Variants in SLC39A11 observed in about 807,000 individuals in gnomAD.
SLC39A11 encodes the protein solute carrier family 39 member 11.
In SLC39A11, 33 loss-of-function variants were observed where a neutral mutation model predicts 36.1. That is an observed-to-expected ratio of 0.91 (90% CI 0.69 to 1.22). SLC39A11 has a LOEUF of 1.22. SLC39A11 is among the 50% of genes most tolerant of loss of function. SLC39A11 has a pLI of 0.00. For synonymous variants in SLC39A11, 166 were observed against 170.3 expected (o/e 0.97, Z 0.20); for missense variants, 432 against 430.3 (o/e 1.00, Z -0.03).
Position 72,804,985 on chromosome 17 carries a change from C to G in SLC39A11, c.601+44649G>C, listed in dbSNP as rs142275381. On this transcript the variant is annotated intron_variant, in intron 6 of 9. Coordinates refer to ENST00000255559, the MANE Select transcript of SLC39A11 (RefSeq NM_139177.4). ...GAGCCGAGATCATGCCACTGCACTC[C>G]AGCCTGGTGACAGAGCAAGACTCCA... Among the ~76,000 whole-genome samples the G allele has an allele frequency of 1.1e-3, 166 of 152,228 alleles. 1 individual carries two copies. Among genetic ancestry groups the G allele is most frequent in the Non-Finnish European group, 2.0e-3 (134 of 68,016 alleles).
At chr17:72,892,934 G>T (rs2081831106) in intron 5 of SLC39A11, among the ~76,000 whole-genome samples, 1 of 152,102 alleles carries the variant, frequency 6.6e-6, no homozygotes, top group Admixed American at 6.5e-5. Context: ...GTATTTTCCA[G>T]GGTAGGTTCT....
In SLC39A11 at chr17:73,042,436, T is replaced by TCTAA. The variant is rs2059140219; in HGVS notation, c.148-10726_148-10723dup. Among the ~76,000 whole-genome samples the TCTAA allele has an allele frequency of 1.3e-5, 2 of 152,154 alleles. 1 individual carries two copies. The highest frequency in any genetic ancestry group is 1.3e-4 in the Admixed American group (2 of 15,264). The stretch of plus-strand genomic sequence containing the variant: ...TTTATTGAACCAAAGGAACATAGAC[T>TCTAA]CTAACCTCAAGGAGGTTACTGTGTA... On this transcript the variant is annotated intron_variant, in intron 3 of 9. Coordinates refer to ENST00000255559, the MANE Select transcript of SLC39A11 (RefSeq NM_139177.4).
intron 7 of SLC39A11, among the ~76,000 whole-genome samples, chr17:72,718,858 G>A (rs1859368518): frequency 2.0e-5 from 3 of 152,092 alleles, no homozygotes; most frequent in Admixed American, 6.5e-5. Flanking sequence ...TTGAACTCCT[G>A]GCCTCAAGTG....
At chr17:72,701,127 C>G (rs918362736) in intron 7 of SLC39A11, among the ~76,000 whole-genome samples, 9 of 152,232 alleles carry the variant, frequency 5.9e-5, no homozygotes, top group African/African-American at 2.2e-4. Context: ...AGCTGGGAAA[C>G]TTTGGAAGAA....
intron 2 of SLC39A11, among the ~76,000 whole-genome samples, chr17:73,085,092 G>T (rs2060679375): frequency 6.6e-6 from 1 of 152,176 alleles, no homozygotes; most frequent in East Asian, 1.9e-4. Context: ...CTTGGCCCTT[G>T]TGTTGTCTCT....
In SLC39A11 at chr17:72,678,949, A is replaced by G. The variant is rs569045170; in HGVS notation, c.672-29681T>C. Among the ~76,000 whole-genome samples the G allele has an allele frequency of 3.3e-5, 5 of 152,284 alleles. No homozygotes were observed. In the South Asian group the frequency reaches 1.0e-3, roughly 32 times the overall value. ...GGAATACTATTCAGCCATAAAAAGAATGAGATCGTGTCATCTGCAGCAACA... is the reference window on the plus strand; with the variant it reads ...GGAATACTATTCAGCCATAAAAAGAGTGAGATCGTGTCATCTGCAGCAACA... On this transcript the variant is annotated intron_variant, in intron 7 of 9. Coordinates refer to ENST00000255559, the MANE Select transcript of SLC39A11 (RefSeq NM_139177.4).
Position 72,790,333 on chromosome 17 carries a change from A to G in SLC39A11, c.602-53614T>C, listed in dbSNP as rs186684062. On this transcript the variant is annotated intron_variant, in intron 6 of 9. Transcript: ENST00000255559. ...AATACAAACCATGTGACCTGGATAA[A>G]CAGAACATGGTGAGGAAGTAGGCAG... Among the ~76,000 whole-genome samples, 234 of 152,248 alleles carry G rather than the reference A, an allele frequency of 1.5e-3. 3 individuals are homozygous for G. Among genetic ancestry groups the G allele is most frequent in the Non-Finnish European group, 4.4e-4 (30 of 68,018 alleles).
At chr17:72,713,480 G>A (rs149210250) in intron 7 of SLC39A11, among the ~76,000 whole-genome samples, 1 of 152,178 alleles carries the variant, frequency 6.6e-6, no homozygotes. Flanking sequence ...CCTTAATACA[G>A]ATTAGTGACT....
intron 3 of SLC39A11, among the ~76,000 whole-genome samples, chr17:73,058,746 T>A (rs1340510958): frequency 6.6e-6 from 1 of 152,142 alleles, no homozygotes; most frequent in Non-Finnish European, 1.5e-5. Context: ...AGGGTTAATC[T>A]TCAGAAGACT....
At chr17:72,983,753 C>G (rs1177747135) in intron 4 of SLC39A11, among the ~76,000 whole-genome samples, 1 of 152,212 alleles carries the variant, frequency 6.6e-6, no homozygotes, top group Admixed American at 6.5e-5. Flanking sequence ...TCTTTCAAAT[C>G]AGAGCCAGGC....
chr17:72,889,972 G>GAGGCAGGGC (rs1308532176), intron 5 of SLC39A11, among the ~76,000 whole-genome samples: 1 of 151,878 alleles, frequency 6.6e-6, no homozygotes, highest in African/African-American at 2.4e-5. Flanking sequence ...CACAAAACCA[G>GAGGCAGGGC]AGGCAGGGCA....
intron 7 of SLC39A11, among the ~76,000 whole-genome samples, chr17:72,724,744 G>A (rs1204382431): frequency 1.3e-5 from 2 of 151,958 alleles, no homozygotes; most frequent in African/African-American, 4.8e-5. Context: ...CATGGAAAGG[G>A]TGGTATCTAT....
intron 9 of SLC39A11, among the ~76,000 whole-genome samples, chr17:72,647,948 A>G (rs2069643969): frequency 6.6e-6 from 1 of 152,210 alleles, no homozygotes; most frequent in Non-Finnish European, 1.5e-5. Flanking sequence ...TCTGTGGTCC[A>G]TGTGTGAGTA....
intron 3 of SLC39A11, among the ~76,000 whole-genome samples, chr17:73,048,822 T>C (rs1331053420): frequency 6.6e-6 from 1 of 152,194 alleles, no homozygotes; most frequent in Admixed American, 6.5e-5. Context: ...GCCAATGACT[T>C]GAGAAAAGGG....
chr17:72,768,145 A>C (rs916920819), intron 6 of SLC39A11, among the ~76,000 whole-genome samples: 1 of 152,186 alleles, frequency 6.6e-6, no homozygotes, highest in African/African-American at 2.4e-5. Context: ...ACCTGAAAAG[A>C]TATCTCAAAG....
chr17:73,050,182 T>C (rs112401280), intron 3 of SLC39A11, among the ~76,000 whole-genome samples: 39 of 152,096 alleles, frequency 2.6e-4, no homozygotes, highest in African/African-American at 9.2e-4. Context: ...TGGACTCCAT[T>C]TGACTTGGGT....
chr17:72,721,068 C>T (rs976206577), intron 7 of SLC39A11, among the ~76,000 whole-genome samples: 1 of 149,238 alleles, frequency 6.7e-6, no homozygotes, highest in Non-Finnish European at 1.5e-5. Flanking sequence ...TAGGCACAGA[C>T]TTGACTGCTG....
At chr17:72,826,522 A>C (rs1567776500) in intron 6 of SLC39A11, among the ~76,000 whole-genome samples, 1 of 152,230 alleles carries the variant, frequency 6.6e-6, no homozygotes, top group Non-Finnish European at 1.5e-5. Flanking sequence ...CTTTCAGAAC[A>C]AGGGAGAGAC....
intron 4 of SLC39A11, among the ~76,000 whole-genome samples, chr17:72,951,107 A>AC (rs1555648020): frequency 8.0e-5 from 12 of 150,912 alleles, no homozygotes; most frequent in African/African-American, 2.2e-4. Context: ...TAAAAAAAAA[A>AC]AAAATTAGCC....
Sources: allele counts gnomAD v4.1 joint callset (sites outside exome capture counted in the v4.1 genomes callset), GRCh38; gene constraint gnomAD v4.1.1; transcripts MANE v1.5; gene names NCBI Gene and HGNC (gene_info 2026-07-23, HGNC 2026-07-21).